Variants in FHOD3 observed in about 807,000 individuals in gnomAD.
FHOD3 encodes FH1/FH2 domain-containing protein 3.
A neutral mutation model predicts 173.0 loss-of-function variants in FHOD3; 90 were observed. The observed-to-expected ratio is 0.52, with a 90% CI of 0.44 to 0.62. The LOEUF (loss-of-function observed/expected upper bound fraction) is 0.62. Among genes scored for constraint, FHOD3 ranks in the 20% least tolerant of loss-of-function variants. The pLI is 0.00. For missense variants in FHOD3, 1,945 were observed against 2,034.7 expected, an observed-to-expected ratio of 0.96 and a Z score of 0.85; for synonymous variants, 828 against 823.0, an observed-to-expected ratio of 1.01 and a Z score of -0.10.
At position 36,742,887 on chromosome 18, in the gene FHOD3, C is replaced by A. The variant is rs112390341; in HGVS notation, c.3879+31C>A. The A allele has an allele frequency of 4.0e-5, 63 of 1,594,322 alleles. No individual in the cohort carries two copies. In the East Asian group the frequency reaches 9.4e-4, roughly 24 times the overall value. The stretch of plus-strand genomic sequence containing the variant: ...TCATCCCCATCCCTCATCCTGTAGC[C>A]CCCCCTTGTCACAAAATCCCTGCCC... On this transcript the variant is annotated intron_variant, in intron 22 of 28. Transcript: ENST00000590592.
intron 9 of FHOD3, among the ~76,000 whole-genome samples, chr18:36,618,406 G>A (rs1435340754): frequency 1.4e-5 from 2 of 144,480 alleles, no homozygotes; most frequent in African/African-American, 5.2e-5. Context: ...TCCGCCTCCC[G>A]GGTTCAAGTG....
chr18:36,704,516 G>C (rs547025895), intron 17 of FHOD3, among the ~76,000 whole-genome samples: 4 of 152,320 alleles, frequency 2.6e-5, no homozygotes, highest in African/African-American at 9.6e-5. Flanking sequence ...CTCCATCCAG[G>C]GTGGTTATGG....
intron 6 of FHOD3, among the ~76,000 whole-genome samples, chr18:36,587,642 T>C (rs1010180524): frequency 6.6e-6 from 1 of 151,932 alleles, no homozygotes; most frequent in Non-Finnish European, 1.5e-5. Context: ...AAATACAAAA[T>C]TAGCTGGGCT....
intron 24 of FHOD3, among the ~76,000 whole-genome samples, chr18:36,750,460 C>T (rs892443306): frequency 6.6e-6 from 1 of 152,158 alleles, no homozygotes; most frequent in African/African-American, 2.4e-5. Context: ...TTGATAGTTT[C>T]TTTTGCTGTG....
In FHOD3 at chr18:36,602,693, T is replaced by C. The variant is rs779937268; in HGVS notation, c.738T>C (p.Asn246=). 1.9e-6 allele frequency: 3 copies of C among 1,614,008 alleles called. No homozygotes were observed. The highest frequency in any genetic ancestry group is 2.5e-6 in the Non-Finnish European group (3 of 1,179,970). The part of the protein sequence containing the change: ...DTKRGVKPWS[N]IMEILEEKDG... ...TCATAGGGGTCAAACCTTGGTCAAA[T>C]ATCATGGAAATCCTGGAGGAAAAAG... is the stretch of plus-strand genomic sequence containing the variant. Residue 246 remains asparagine, a synonymous_variant, in exon 8 of 29, where the codon AAT becomes AAC. Transcript: ENST00000590592.
intron 6 of FHOD3, among the ~76,000 whole-genome samples, chr18:36,577,434 G>A (rs1433230284): frequency 6.6e-6 from 1 of 152,092 alleles, no homozygotes; most frequent in Admixed American, 6.5e-5. Context: ...CCAAGTAGGT[G>A]GGATTAAAGG....
At chr18:36,748,378 ACACAACACAC>A (rs1175136288) in intron 24 of FHOD3, among the ~76,000 whole-genome samples, 1 of 121,070 alleles carries the variant, frequency 8.3e-6, no homozygotes, top group Non-Finnish European at 1.6e-5. Flanking sequence ...ACACACACAC[ACACAACACAC>A]ACACACACAC....
At chr18:36,540,838 A>G (rs974189907) in intron 5 of FHOD3, among the ~76,000 whole-genome samples, 3 of 152,198 alleles carry the variant, frequency 2.0e-5, no homozygotes, top group East Asian at 1.9e-4. Context: ...TCATACTTAC[A>G]TTAGTCTTGA....
chr18:36,414,121 TG>T (rs1389222712), intron 3 of FHOD3, among the ~76,000 whole-genome samples: 2 of 152,226 alleles, frequency 1.3e-5, no homozygotes, highest in Non-Finnish European at 2.9e-5. Flanking sequence ...CCACCTTATT[TG>T]GCACACTAGG....
At chr18:36,420,952 A>G (rs1327346046) in intron 3 of FHOD3, among the ~76,000 whole-genome samples, 3 of 152,104 alleles carry the variant, frequency 2.0e-5, no homozygotes, top group South Asian at 4.1e-4. Flanking sequence ...TATGTTTATC[A>G]CTGTCTCTTT....
At chr18:36,734,089 T>G (rs1050874890) in intron 20 of FHOD3, among the ~76,000 whole-genome samples, 2 of 152,086 alleles carry the variant, frequency 1.3e-5, no homozygotes, top group African/African-American at 4.8e-5. Flanking sequence ...CTGCCTACAT[T>G]TGCTACCCAG....
chr18:36,760,847 C>T, intron 27 of FHOD3, 65 bp downstream of exon 27: 1 of 1,485,328 alleles, frequency 6.7e-7, no homozygotes, highest in African/African-American at 1.4e-5. Flanking sequence ...GGGGTCCGGT[C>T]TCCATCGCAG....
intron 7 of FHOD3, among the ~76,000 whole-genome samples, chr18:36,597,257 A>C (rs563040668): frequency 1.3e-5 from 2 of 152,268 alleles, no homozygotes; most frequent in South Asian, 4.2e-4. Flanking sequence ...TTTGTGTATC[A>C]TATCCAAGAC....
intron 9 of FHOD3, 116 bp from the exon 10 acceptor site, chr18:36,625,395 T>A: frequency 1.1e-6 from 1 of 930,326 alleles, no homozygotes; most frequent in Non-Finnish European, 1.5e-6. Context: ...AGGCGTGCAG[T>A]TTGCGAAGAC....
intron 3 of FHOD3, among the ~76,000 whole-genome samples, chr18:36,384,635 G>T (rs1233228266): frequency 6.6e-6 from 1 of 150,990 alleles, no homozygotes; most frequent in Admixed American, 6.6e-5. Flanking sequence ...TAAAAATAAA[G>T]TCATATATTG....
chr18:36,460,192 C>A (rs2052469113), intron 3 of FHOD3, among the ~76,000 whole-genome samples: 2 of 152,114 alleles, frequency 1.3e-5, no homozygotes, highest in African/African-American at 4.8e-5. Flanking sequence ...CAGACTGTCC[C>A]CCACTGTTCT....
At chr18:36,363,344 G>T (rs2077673) in intron 2 of FHOD3, among the ~76,000 whole-genome samples, 1 of 152,074 alleles carries the variant, frequency 6.6e-6, no homozygotes, top group Non-Finnish European at 1.5e-5. Context: ...AAGCCTGCAC[G>T]TATTTTCACA....
At chr18:36,616,496 C>A (rs1213760765) in intron 9 of FHOD3, among the ~76,000 whole-genome samples, 1 of 152,162 alleles carries the variant, frequency 6.6e-6, no homozygotes, top group Non-Finnish European at 1.5e-5. Flanking sequence ...TCCCTTCATG[C>A]CAGACTTTGA....
intron 4 of FHOD3, among the ~76,000 whole-genome samples, chr18:36,508,274 T>TA (rs1218511182): frequency 2.0e-5 from 3 of 151,904 alleles, no homozygotes; most frequent in African/African-American, 7.3e-5. Context: ...ATAAGCTTTT[T>TA]TTTTTTTAAA....
Sources: allele counts gnomAD v4.1 joint callset (sites outside exome capture counted in the v4.1 genomes callset), GRCh38; gene constraint gnomAD v4.1.1; transcripts MANE v1.5; gene names NCBI Gene and HGNC (gene_info 2026-07-23, HGNC 2026-07-21).